PGD: variants seen among roughly 807,000 people sequenced by gnomAD.
PGD encodes the protein phosphogluconate dehydrogenase.
Under a neutral mutation model 60.4 loss-of-function variants are expected in PGD, and 21 were observed. That is an observed-to-expected ratio of 0.35 (90% CI 0.25 to 0.50). The LOEUF (loss-of-function observed/expected upper bound fraction) is 0.50, where lower values mean the gene tolerates loss of function less well. PGD is among the 20% of genes least tolerant of loss of function. The pLI is 0.98. For synonymous variants in PGD, 230 were observed against 235.9 expected (o/e 0.97, Z 0.23); for missense variants, 477 against 613.1 (o/e 0.78, Z 2.34).
At chr1:10,411,945 A>G (rs760645986) in intron 7 of PGD, among the ~76,000 whole-genome samples, 11 of 152,320 alleles carry the variant, frequency 7.2e-5, no homozygotes, top group Admixed American at 5.9e-4. Context: ...AAGCTGAAGC[A>G]TTTCCCCCAA....
In PGD at chr1:10,417,172, G is replaced by T. The variant is rs1639610641; in HGVS notation, c.975+55G>T. On this transcript the variant is annotated intron_variant, in intron 9 of 12. Coordinates refer to ENST00000270776, the MANE Select transcript of PGD (RefSeq NM_002631.4). ...GTTGGTCCTGCGGAAGGCAGTGGGG[G>T]TGGGGGTTGTGGTGGGAGAACACTC... 9 of 1,598,500 alleles carry T rather than the reference G, an allele frequency of 5.6e-6. No homozygotes were observed. In the East Asian group the frequency reaches 1.8e-4, roughly 32 times the overall value.
At chr1:10,401,475 G>A (rs145441648) in intron 3 of PGD, among the ~76,000 whole-genome samples, 1 of 152,150 alleles carries the variant, frequency 6.6e-6, no homozygotes, top group Non-Finnish European at 1.5e-5. Flanking sequence ...TAGAGGAGTC[G>A]TGTCAACAGT....
chr1:10,419,518 G>T lies in PGD; in HGVS notation c.1311G>T (p.Met437Ile). Residue 437 changes from methionine (M) to isoleucine (I), a missense_variant, in exon 12 of 13, where the codon ATG becomes ATT. Coordinates refer to ENST00000270776, the MANE Select transcript of PGD (RefSeq NM_002631.4). Reference protein sequence around the residue: ...LSFYDGYRHEMLPASLIQAQR... With the variant: ...LSFYDGYRHEILPASLIQAQR... ...TCTATGACGGGTACAGACATGAGAT[G>T]CTTCCAGCCAGCCTCATCCAGGTAA... The T allele has an allele frequency of 6.2e-7, 1 of 1,614,212 alleles. No individual in the cohort carries two copies. The highest frequency in any genetic ancestry group is 8.5e-7 in the Non-Finnish European group (1 of 1,180,042).
At chr1:10,399,453 G>A (rs1639271824) in intron 1 of PGD, 176 bp from the exon 2 acceptor site, 2 of 501,100 alleles carry the variant, frequency 4.0e-6, no homozygotes, top group African/African-American at 2.0e-5. Context: ...GGGGCTGGGG[G>A]CCGCCTGCCC....
At chr1:10,419,354 T>A in intron 11 of PGD, 63 bp from the exon 12 acceptor site, 1 of 1,566,734 alleles carries the variant, frequency 6.4e-7, no homozygotes. Context: ...TTGATATGAA[T>A]GAAAATCTAT....
At chr1:10,400,730 A>G (rs1639302548) in intron 3 of PGD, among the ~76,000 whole-genome samples, 158 bp downstream of exon 3, 1 of 151,632 alleles carries the variant, frequency 6.6e-6, no homozygotes. Flanking sequence ...GGTTAACTTG[A>G]TAAGCGCTTA....
At chr1:10,402,933 G>C (rs144322550) in intron 3 of PGD, 138 bp from the exon 4 acceptor site, 2 of 658,296 alleles carry the variant, frequency 3.0e-6, no homozygotes, top group Non-Finnish European at 5.6e-6. Context: ...AGCCATGTTC[G>C]CACTCCTGCA....
At chr1:10,418,014 G>A (rs530773888) in intron 10 of PGD, among the ~76,000 whole-genome samples, 1 of 152,188 alleles carries the variant, frequency 6.6e-6, no homozygotes, top group African/African-American at 2.4e-5. Context: ...GCCCGGCTCC[G>A]CATTACACCT....
At chr1:10,406,167 T>A (rs553632974) in intron 5 of PGD, among the ~76,000 whole-genome samples, 1 of 152,152 alleles carries the variant, frequency 6.6e-6, no homozygotes, top group South Asian at 2.1e-4. Context: ...ATAATTTTTT[T>A]AATTACCTTT....
intron 6 of PGD, 53 bp downstream of exon 6, chr1:10,408,193 T>A: frequency 9.7e-7 from 1 of 1,026,194 alleles, no homozygotes; most frequent in Non-Finnish European, 1.6e-6. Context: ...CGTGTCTAAG[T>A]GATGAAGTGC....
In PGD at chr1:10,400,454, G is replaced by A; in HGVS notation, c.146G>A (p.Gly49Glu). The A allele has an allele frequency of 1.2e-6, 2 of 1,613,956 alleles. No homozygotes were observed. Among genetic ancestry groups the A allele is most frequent in the South Asian group, 2.2e-5 (2 of 91,078 alleles). The change falls in exon 3 of 13, where the codon GGA (glycine) becomes GAA (glutamate). Residue 49 changes from glycine to glutamate, a missense_variant. Physicochemically the swap from Gly to Glu is moderately conservative, Grantham distance 98 (BLOSUM62 -2). Transcript: ENST00000270776. ...VDDFLANEAK[G>E]TKVVGAQSLK... Reference sequence around the variant, plus strand: ...GATTTCTTGGCCAATGAGGCAAAGGGAACCAAAGTGGTGGGTGCCCAGTCC... The same window carrying A: ...GATTTCTTGGCCAATGAGGCAAAGGAAACCAAAGTGGTGGGTGCCCAGTCC...
At chr1:10,408,184 G>T (rs748383600) in intron 6 of PGD, 44 bp downstream of exon 6, 23 of 1,102,292 alleles carry the variant, frequency 2.1e-5, no homozygotes, top group African/African-American at 1.5e-4. Context: ...CAACATGGGC[G>T]TGTCTAAGTG....
intron 9 of PGD, 72 bp from the exon 10 acceptor site, chr1:10,417,301 GAGA>G: frequency 6.7e-7 from 1 of 1,500,818 alleles, no homozygotes; most frequent in Non-Finnish European, 9.1e-7. Flanking sequence ...CACTGCTGAT[GAGA>G]ATAAGACTGG....
intron 8 of PGD, among the ~76,000 whole-genome samples, chr1:10,414,441 C>T (rs1302371243): frequency 6.6e-6 from 1 of 152,018 alleles, no homozygotes; most frequent in East Asian, 1.9e-4. Flanking sequence ...GTGGCATGAT[C>T]TCGGGTCACT....
At chr1:10,409,583 GA>G (rs1639463461) in intron 6 of PGD, among the ~76,000 whole-genome samples, 2 of 150,174 alleles carry the variant, frequency 1.3e-5, no homozygotes, top group Non-Finnish European at 3.0e-5. Context: ...GGGTAACAGA[GA>G]GAGACCCTGT....
intron 2 of PGD, chr1:10,400,034 G>C (rs1639289276): frequency 2.2e-6 from 1 of 462,730 alleles, no homozygotes; most frequent in Non-Finnish European, 3.9e-6. Context: ...GATCTGGGGA[G>C]AGTGAAAATG....
chr1:10,404,656 T>C (rs1639370857), intron 5 of PGD, among the ~76,000 whole-genome samples: 1 of 152,040 alleles, frequency 6.6e-6, no homozygotes, highest in Non-Finnish European at 1.5e-5. Flanking sequence ...CATGCCACCA[T>C]GCCTGGCTAA....
intron 7 of PGD, chr1:10,412,757 C>G: frequency 7.5e-6 from 2 of 264,968 alleles, no homozygotes; most frequent in South Asian, 9.8e-5. Flanking sequence ...GGGACAAGAT[C>G]CGGTGATTGC....
chr1:10,417,053 T>C lies in PGD; in HGVS notation c.911T>C (p.Leu304Pro), dbSNP rs1639607670. ...KDERIQASKK[L>P]KGPQKFQFDG... The stretch of plus-strand genomic sequence containing the variant: ...GAGAGAATTCAAGCTAGCAAAAAGC[T>C]GAAGGGTCCCCAGAAGTTCCAGTTT... Residue 304 changes from leucine (L) to proline (P), a missense_variant, in exon 9 of 13, where the codon CTG (leucine) becomes CCG (proline). Leu to Pro is a moderately conservative substitution (Grantham distance 98). This residue lies in a region of PGD where 431 missense variants were observed against 556.6 expected (regional missense o/e 0.77). Transcript: ENST00000270776. The C allele has an allele frequency of 6.2e-7, 1 of 1,613,956 alleles. No homozygotes were observed. The highest frequency in any genetic ancestry group is 8.5e-7 in the Non-Finnish European group (1 of 1,179,936).
Sources: allele counts gnomAD v4.1 joint callset (sites outside exome capture counted in the v4.1 genomes callset), GRCh38; gene constraint gnomAD v4.1.1; regional missense constraint gnomAD v4.1.1; transcripts MANE v1.5; gene names NCBI Gene and HGNC (gene_info 2026-07-23, HGNC 2026-07-21).